ZNF398: variants seen among roughly 807,000 people sequenced by gnomAD.
The protein encoded by ZNF398 is zinc finger DNA binding protein ZER6.
ZNF398 carries 18 observed loss-of-function variants against 41.9 expected under a neutral mutation model. That is an observed-to-expected ratio of 0.43 (90% CI 0.30 to 0.64). The LOEUF is 0.64. Ranked by LOEUF, ZNF398 falls within the 30% of genes least tolerant of loss-of-function variation. The probability of loss-of-function intolerance (pLI) is 0.14; values close to 1 mark genes in which losing one functional copy is unlikely to be tolerated. For synonymous variants in ZNF398, 260 were observed against 308.8 expected (o/e 0.84, Z 1.66); for missense variants, 669 against 822.8 (o/e 0.81, Z 2.29).
intron 2 of ZNF398, among the ~76,000 whole-genome samples, chr7:149,139,646 G>A (rs1826781649): frequency 6.6e-6 from 1 of 151,800 alleles, no homozygotes; most frequent in Non-Finnish European, 1.5e-5. Flanking sequence ...ACTTGAACCC[G>A]GGAGGCGGAG....
At chr7:149,156,151 T>A (rs1473803782) in intron 2 of ZNF398, among the ~76,000 whole-genome samples, 1 of 151,978 alleles carries the variant, frequency 6.6e-6, no homozygotes, top group African/African-American at 2.4e-5. Context: ...GGGTAGCAGT[T>A]GTAGAGATGG....
chr7:149,145,091 G>GCC (rs1214884175), upstream of ZNF398, among the ~76,000 whole-genome samples: 1 of 152,150 alleles, frequency 6.6e-6, no homozygotes, highest in Non-Finnish European at 1.5e-5. Context: ...CAGGCGAAAA[G>GCC]TAACTTAGTC....
At chr7:149,135,888 G>T (rs143567305) in intron 2 of ZNF398, among the ~76,000 whole-genome samples, 3 of 152,116 alleles carry the variant, frequency 2.0e-5, no homozygotes, top group East Asian at 3.9e-4. Flanking sequence ...CCCAGGAGGC[G>T]GACGTTGCAG....
At chr7:149,151,948 T>C (rs1405781593) in intron 1 of ZNF398, among the ~76,000 whole-genome samples, 1 of 152,050 alleles carries the variant, frequency 6.6e-6, no homozygotes, top group African/African-American at 2.4e-5. Context: ...TATAAAATAA[T>C]GTGGCCGGGC....
intron 4 of ZNF398, among the ~76,000 whole-genome samples, chr7:149,176,129 G>A (rs944823684): frequency 6.6e-6 from 1 of 152,018 alleles, no homozygotes. Context: ...TCAGGAGATC[G>A]AGACCATCCT....
chr7:149,162,799 T>C (rs1795138766), intron 2 of ZNF398, among the ~76,000 whole-genome samples: 1 of 151,826 alleles, frequency 6.6e-6, no homozygotes, highest in Non-Finnish European at 1.5e-5. Flanking sequence ...GGTTCACGCC[T>C]GTACTCCCAG....
intron 1 of ZNF398, chr7:149,151,207 GCA>G (rs1351085398): frequency 8.3e-7 from 1 of 1,198,300 alleles, no homozygotes; most frequent in Non-Finnish European, 1.1e-6. Context: ...TTTCCTCTAG[GCA>G]CGCTTACTAA....
chr7:149,154,905 C>A (rs966748228), intron 2 of ZNF398, among the ~76,000 whole-genome samples: 1 of 151,348 alleles, frequency 6.6e-6, no homozygotes, highest in Non-Finnish European at 1.5e-5. Flanking sequence ...TGGAGAATAG[C>A]TTGAACCCAG....
chr7:149,157,430 G>A (rs537188023), intron 2 of ZNF398, among the ~76,000 whole-genome samples: 6 of 152,038 alleles, frequency 3.9e-5, no homozygotes, highest in Non-Finnish European at 5.9e-5. Flanking sequence ...AGCTACTCGG[G>A]AGGCTGAGGC....
intron 4 of ZNF398, among the ~76,000 whole-genome samples, chr7:149,171,820 A>T (rs577704165): frequency 6.6e-6 from 1 of 152,052 alleles, no homozygotes; most frequent in East Asian, 1.9e-4. Flanking sequence ...GGCTCAAACC[A>T]CCACACCTGG....
intron 3 of ZNF398, among the ~76,000 whole-genome samples, 157 bp from the exon 4 acceptor site, chr7:149,166,660 C>T (rs527641764): frequency 1.8e-4 from 27 of 152,160 alleles, no homozygotes; most frequent in Non-Finnish European, 3.4e-4. Flanking sequence ...AATAGATATC[C>T]ACAGCTGAAG....
In ZNF398 at chr7:149,138,069, C is replaced by T. The variant is rs184824215; in HGVS notation, c.-490+9125C>T. 6.3e-4 allele frequency among the ~76,000 whole-genome samples: 95 copies of T among 151,740 alleles called. No individual in the cohort carries two copies. In the Middle Eastern group the frequency reaches 0.01, roughly 16 times the overall value. On this transcript the variant is annotated intron_variant, in intron 2 of 6. Transcript: ENST00000426851. ...ACAAAAAATTAGTTGCGCATGGTGGCGCACGCCTGTGATCCCAGCTACTCG... is the reference window on the plus strand; with the variant it reads ...ACAAAAAATTAGTTGCGCATGGTGGTGCACGCCTGTGATCCCAGCTACTCG...
chr7:149,156,861 C>CAAAAA (rs11400806), intron 2 of ZNF398, among the ~76,000 whole-genome samples: 1 of 141,180 alleles, frequency 7.1e-6, no homozygotes, highest in Non-Finnish European at 1.5e-5. Flanking sequence ...AACTCCATTT[C>CAAAAA]AAAAAAAAAA....
chr7:149,148,428 G>A, intron 1 of ZNF398: 1 of 985,536 alleles, frequency 1.0e-6, no homozygotes, highest in Non-Finnish European at 1.2e-6. Flanking sequence ...CGTAGAATGA[G>A]AAGGGGACGG....
chr7:149,158,833 C>CA (rs11285758), intron 2 of ZNF398, among the ~76,000 whole-genome samples: 79 of 110,858 alleles, frequency 7.1e-4, no homozygotes, highest in African/African-American at 2.3e-3. Flanking sequence ...AACACCGTTT[C>CA]AAAAAAAAAA....
At chr7:149,156,930 G>A (rs1260360311) in intron 2 of ZNF398, among the ~76,000 whole-genome samples, 10 of 151,920 alleles carry the variant, frequency 6.6e-5, no homozygotes, top group Admixed American at 2.6e-4. Context: ...TATTCTAAGT[G>A]TTCTACTTAT....
chr7:149,134,416 C>A (rs1826670432), intron 2 of ZNF398, among the ~76,000 whole-genome samples: 1 of 148,604 alleles, frequency 6.7e-6, no homozygotes, highest in South Asian at 2.2e-4. Flanking sequence ...GATATGAGAT[C>A]TCATTCTGTT....
rs1163735776 is a variant in ZNF398, at chr7:149,178,694, G to A, written c.822G>A (p.Leu274=). The stretch of plus-strand genomic sequence containing the variant: ...CTGAAGGCCTTGCTAGATCCTCGTT[G>A]TGCCCTGAGGTTCCAGTCCCTTTCT... The part of the protein sequence containing the change: ...IKAEGLARSS[L]CPEVPVPFSS... The change falls in exon 6 of 6, where the codon TTG becomes TTA. Residue 274 remains leucine, a synonymous_variant. Coordinates refer to ENST00000475153, the MANE Select transcript of ZNF398 (RefSeq NM_170686.3). The A allele has an allele frequency of 6.2e-7, 1 of 1,614,058 alleles. No individual in the cohort carries two copies. The highest frequency in any genetic ancestry group is 1.3e-5 in the African/African-American group (1 of 74,904).
At chr7:149,148,513 C>T in intron 1 of ZNF398, 1 of 984,666 alleles carries the variant, frequency 1.0e-6, no homozygotes, top group South Asian at 4.7e-5. Flanking sequence ...AGCAATTGTA[C>T]TGGGTCAGGA....
Sources: allele counts gnomAD v4.1 joint callset (sites outside exome capture counted in the v4.1 genomes callset), GRCh38; gene constraint gnomAD v4.1.1; transcripts MANE v1.5; gene names NCBI Gene and HGNC (gene_info 2026-07-23, HGNC 2026-07-21).